Variants in ZNF831 observed in about 807,000 individuals in gnomAD.
ZNF831 encodes zinc finger protein 831.
ZNF831 carries 59 observed loss-of-function variants against 95.8 expected under a neutral mutation model. The observed-to-expected ratio is 0.62, with a 90% CI of 0.50 to 0.77. The LOEUF (loss-of-function observed/expected upper bound fraction) is 0.77. ZNF831 is among the 30% of genes least tolerant of loss of function. The probability of loss-of-function intolerance (pLI) is 0.00; values close to 1 mark genes in which losing one functional copy is unlikely to be tolerated. For synonymous variants in ZNF831, 961 were observed against 925.5 expected (o/e 1.04, Z -0.70); for missense variants, 2,205 against 2,164.0 (o/e 1.02, Z -0.38).
intron 1 of ZNF831, among the ~76,000 whole-genome samples, chr20:59,183,177 T>A (rs1982755091): frequency 6.6e-6 from 1 of 152,208 alleles, no homozygotes; most frequent in Admixed American, 6.5e-5. Context: ...GAACCGTGGT[T>A]GGACCTAGAG....
In ZNF831 at chr20:59,156,927, A is replaced by G. The variant is rs75750502; in HGVS notation, c.-1280-2725A>G. On this transcript the variant is annotated intron_variant, in intron 2 of 7. Coordinates refer to the ZNF831 transcript ENST00000637017. ...AAACCATTCTTTAAAATTTTATTTT[A>G]ATTTTTTACTTTTTATGGGCACATG... Among the ~76,000 whole-genome samples, 932 of 152,302 alleles carry G rather than the reference A, an allele frequency of 6.1e-3. 11 individuals are homozygous for G. The highest frequency in any genetic ancestry group is 0.021 in the African/African-American group (893 of 41,566).
rs184520552 is a variant in ZNF831 at position 59,181,202 on chromosome 20, C to T, written c.-36-9782C>T. On this transcript the variant is annotated intron_variant, in intron 1 of 5. Coordinates refer to ENST00000371030, the MANE Select transcript of ZNF831 (RefSeq NM_178457.3). ...TTGAGAAGTATCTGTTCATATCCTT[C>T]GCCCACTTTTTGATGGGGTTGTTTT... Among the ~76,000 whole-genome samples the T allele has an allele frequency of 2.8e-3, 433 of 152,264 alleles. 6 individuals are homozygous for T. The highest frequency in any genetic ancestry group is 9.6e-3 in the African/African-American group (400 of 41,554).
upstream of ZNF831, among the ~76,000 whole-genome samples, chr20:59,158,998 G>A (rs73306872): frequency 0.011 from 1,658 of 152,160 alleles, 41 homozygotes; most frequent in African/African-American, 0.039. Context: ...AGCCAGGGTG[G>A]GTGGTGATTT....
chr20:59,144,230 A>G (rs555140517), intron 1 of ZNF831, among the ~76,000 whole-genome samples: 1 of 152,274 alleles, frequency 6.6e-6, no homozygotes, highest in East Asian at 1.9e-4. Flanking sequence ...AAATGATATG[A>G]CAGTCGCTTC....
chr20:59,127,128 C>A (rs113924174), intron 1 of ZNF831, among the ~76,000 whole-genome samples: 1 of 23,904 alleles, frequency 4.2e-5, no homozygotes, highest in African/African-American at 8.8e-5. Context: ...GCAAAACTCT[C>A]GGAGGATCCT....
intron 2 of ZNF831, among the ~76,000 whole-genome samples, chr20:59,148,282 G>A (rs946674550): frequency 6.6e-6 from 1 of 152,158 alleles, no homozygotes; most frequent in African/African-American, 2.4e-5. Flanking sequence ...CTGTTGAGGG[G>A]GGATATCCAA....
rs760652221 is a variant in ZNF831 at position 59,193,968 on chromosome 20, A to G, written c.2949A>G (p.Gly983=). 6.5e-7 allele frequency: 1 copy of G among 1,549,428 alleles called. No individual in the cohort carries two copies. The highest frequency in any genetic ancestry group is 8.7e-7 in the Non-Finnish European group (1 of 1,148,820). Residue 983 remains glycine, a synonymous_variant, in exon 2 of 6, where the codon GGA becomes GGG. Coordinates refer to ENST00000371030, the MANE Select transcript of ZNF831 (RefSeq NM_178457.3). ...PEERASFVGS[G]LGTPLSPSPA... ...AACGGGCATCATTTGTTGGGTCAGG[A>G]CTGGGGACCCCTCTTTCTCCCAGCC...
At chr20:59,251,350 G>A (rs1343350009) in intron 4 of ZNF831, among the ~76,000 whole-genome samples, 3 of 152,112 alleles carry the variant, frequency 2.0e-5, no homozygotes, top group Non-Finnish European at 2.9e-5. Flanking sequence ...TTCATCCAAA[G>A]GACCATGAAT....
intron 4 of ZNF831, among the ~76,000 whole-genome samples, chr20:59,252,133 T>G (rs1396758263): frequency 6.6e-6 from 1 of 152,174 alleles, no homozygotes; most frequent in Non-Finnish European, 1.5e-5. Context: ...ATGAAGGAGC[T>G]AAAAGTCAAA....
At chr20:59,253,249 T>C (rs1374029914) in intron 5 of ZNF831, 111 bp downstream of exon 5, 8 of 1,205,126 alleles carry the variant, frequency 6.6e-6, no homozygotes, top group Non-Finnish European at 9.3e-6. Flanking sequence ...GATCACCTTA[T>C]GAAGATTCGT....
At position 59,191,011 on chromosome 20, in the gene ZNF831, T is replaced by G. The variant is rs192959327; in HGVS notation, c.-9T>G. ...TTTCCAGCATTGTGGGCCATCCAGA[T>G]GATGCGGAATGGAGGTTCCAGAACC... is the stretch of plus-strand genomic sequence containing the variant. On this transcript the variant is annotated 5_prime_UTR_variant, in exon 2 of 6. The change abolishes an upstream ATG in the 5' untranslated region. Coordinates refer to ENST00000371030, the MANE Select transcript of ZNF831 (RefSeq NM_178457.3). 5 of 1,473,960 alleles carry G rather than the reference T, an allele frequency of 3.4e-6. No individual in the cohort carries two copies. In the African/African-American group the frequency reaches 7.1e-5, roughly 21 times the overall value. The allele number at this position is 1,473,960 out of a possible 1,614,324, so 91.3% of individuals were successfully genotyped here. A position where few individuals can be genotyped will look rare whatever the true frequency, so the allele number is the denominator to read the frequency against.
At position 59,253,958 on chromosome 20, in the gene ZNF831, T is replaced by G. The variant is rs752339489; in HGVS notation, c.4249T>G (p.Ser1417Ala). The G allele has an allele frequency of 6.3e-7, 1 of 1,577,182 alleles. No individual in the cohort carries two copies. The highest frequency in any genetic ancestry group is 1.1e-5 in the South Asian group (1 of 90,398). The change falls in exon 6 of 6, where the codon TCA becomes GCA. Residue 1417 changes from serine (S) to alanine (A), a missense_variant. Ser to Ala is a moderately conservative substitution (Grantham distance 99). Transcript: ENST00000371030. ...DCTTHSTAATSGLSLQSDTCL... is the reference protein window; with the variant it reads ...DCTTHSTAATAGLSLQSDTCL... The stretch of plus-strand genomic sequence containing the variant: ...TACTACTCACAGCACTGCTGCCACA[T>G]CAGGATTATCTCTGCAATCTGACAC...
intron 4 of ZNF831, among the ~76,000 whole-genome samples, chr20:59,222,831 C>A (rs996659146): frequency 2.6e-5 from 4 of 152,168 alleles, no homozygotes; most frequent in African/African-American, 9.7e-5. Context: ...AGGGACCTGG[C>A]GGTACAAATT....
At chr20:59,215,016 A>G (rs139136357) in intron 4 of ZNF831, among the ~76,000 whole-genome samples, 75 of 152,340 alleles carry the variant, frequency 4.9e-4, no homozygotes, top group Middle Eastern at 3.4e-3. Context: ...ATCTCTTTCT[A>G]GCCGATGACA....
At chr20:59,247,406 T>C (rs1385247818) in intron 4 of ZNF831, among the ~76,000 whole-genome samples, 1 of 152,246 alleles carries the variant, frequency 6.6e-6, no homozygotes, top group Non-Finnish European at 1.5e-5. Context: ...TGCCTCGTTT[T>C]CCACAGAACA....
At chr20:59,144,366 A>C (rs530263148) in intron 1 of ZNF831, among the ~76,000 whole-genome samples, 1 of 151,314 alleles carries the variant, frequency 6.6e-6, no homozygotes, top group East Asian at 1.9e-4. Flanking sequence ...CACCTTCTGC[A>C]CTCCTGACAT....
At chr20:59,127,302 C>T (rs1790923020) in intron 1 of ZNF831, among the ~76,000 whole-genome samples, 1 of 152,170 alleles carries the variant, frequency 6.6e-6, no homozygotes, top group Admixed American at 6.5e-5. Flanking sequence ...TCTCATGGCT[C>T]CCCGGCCCTG....
chr20:59,226,706 G>A (rs1212817123), intron 4 of ZNF831, among the ~76,000 whole-genome samples: 6 of 150,624 alleles, frequency 4.0e-5, no homozygotes, highest in African/African-American at 1.5e-4. Context: ...CTTAGTTTGG[G>A]GACATTATGT....
intron 1 of ZNF831, among the ~76,000 whole-genome samples, chr20:59,174,067 A>T (rs1172997966): frequency 2.0e-5 from 3 of 152,150 alleles, no homozygotes; most frequent in African/African-American, 7.2e-5. Flanking sequence ...GCTGCTGGAT[A>T]GCAGACCATG....
Sources: gnomAD v4.1 joint callset for allele counts (sites outside exome capture counted in the v4.1 genomes callset) on GRCh38, gnomAD v4.1.1 for gene constraint, MANE v1.5 for transcripts, NCBI Gene and HGNC (gene_info 2026-07-23, HGNC 2026-07-21) for gene names.